LARP1B: variants seen among roughly 807,000 people sequenced by gnomAD.
LARP1B encodes La ribonucleoprotein 1B, also known as la-related protein 1B.
In LARP1B, 76 loss-of-function variants were observed where a neutral mutation model predicts 114.2. The ratio of observed to expected loss-of-function variants is 0.67; its 90% CI spans 0.55 to 0.81. LARP1B has a LOEUF of 0.81. Among genes scored for constraint, LARP1B ranks in the 30% least tolerant of loss-of-function variants. The probability of loss-of-function intolerance (pLI) is 0.00; values close to 1 mark genes in which losing one functional copy is unlikely to be tolerated. For missense variants in LARP1B, 1,014 were observed against 1,075.8 expected (o/e 0.94, Z 0.80); for synonymous variants, 345 against 348.0 (o/e 0.99, Z 0.10).
At position 128,211,121 on chromosome 4, in the gene LARP1B, G is replaced by A. The variant is rs2150972549; in HGVS notation, c.*1068G>A. 1.1e-6 allele frequency: 1 copy of A among 898,552 alleles called. No homozygotes were observed. The highest frequency in any genetic ancestry group is 1.3e-6 in the Non-Finnish European group (1 of 751,242). 55.7% of individuals were successfully genotyped at this position (898,552 alleles called of 1,614,324 possible). A position where few individuals can be genotyped will look rare whatever the true frequency, so the allele number is the denominator to read the frequency against. ...TTTTTGTGAGATTTAAAAAAATAAA[G>A]CACTTATTCTGAATTTTTTGAATTG... On this transcript the variant is annotated 3_prime_UTR_variant, in exon 20 of 20. Coordinates refer to ENST00000326639, the MANE Select transcript of LARP1B (RefSeq NM_018078.4).
At chr4:128,157,790 T>C (rs76925237) in intron 11 of LARP1B, among the ~76,000 whole-genome samples, 2,677 of 152,192 alleles carry the variant, frequency 0.018, 63 homozygotes, top group East Asian at 0.1. Flanking sequence ...TAAACCTGTA[T>C]AAAAATGAAG....
chr4:128,166,400 TA>T (rs1267788339), intron 12 of LARP1B, among the ~76,000 whole-genome samples: 1 of 151,982 alleles, frequency 6.6e-6, no homozygotes, highest in Non-Finnish European at 1.5e-5. Context: ...AATGAACTCC[TA>T]GCCTGTCTCC....
At chr4:128,085,944 G>T (rs1170840655) in intron 5 of LARP1B, among the ~76,000 whole-genome samples, 1 of 149,932 alleles carries the variant, frequency 6.7e-6, no homozygotes, top group East Asian at 2.0e-4. Flanking sequence ...TTTGCTATGT[G>T]TTAAGTCCCA....
intron 8 of LARP1B, among the ~76,000 whole-genome samples, chr4:128,102,421 C>G (rs1411070648): frequency 6.6e-6 from 1 of 152,180 alleles, no homozygotes; most frequent in Non-Finnish European, 1.5e-5. Flanking sequence ...TATTGTTAGT[C>G]TTAAACGATG....
rs1293676616 is a variant in LARP1B at position 128,210,303 on chromosome 4, T to A, written c.*250T>A. 9 of 1,276,978 alleles carry A rather than the reference T, an allele frequency of 7.0e-6. No homozygotes were observed. Among genetic ancestry groups the A allele is most frequent in the Non-Finnish European group, 8.9e-6 (9 of 1,008,966 alleles). The allele number at this position is 1,276,978 out of a possible 1,614,324, so 79.1% of individuals were successfully genotyped here. ...CAAGGATAGTCTTGGTGACCTTTTA[T>A]AGAGATCTTCTAGTAATGTATTTTG... is the stretch of plus-strand genomic sequence containing the variant. On this transcript the variant is annotated 3_prime_UTR_variant, in exon 20 of 20. Transcript: ENST00000326639.
At chr4:128,083,280 A>G (rs1771382489) in intron 5 of LARP1B, among the ~76,000 whole-genome samples, 1 of 151,928 alleles carries the variant, frequency 6.6e-6, no homozygotes, top group Admixed American at 6.6e-5. Context: ...CCCCCTTTCT[A>G]TTCCACAAAA....
intron 13 of LARP1B, 89 bp downstream of exon 13, chr4:128,176,996 A>T: frequency 8.8e-7 from 1 of 1,131,248 alleles, no homozygotes; most frequent in South Asian, 1.2e-5. Context: ...TTCAGACAGA[A>T]GAAAAAGCAT....
intron 11 of LARP1B, among the ~76,000 whole-genome samples, chr4:128,143,796 G>GGTGTGTGTGTGTGTGTGTGT (rs72408437): frequency 0.38 from 56,035 of 147,522 alleles, 11,155 homozygotes; most frequent in Middle Eastern, 0.48. Context: ...TAAGGCACAG[G>GGTGTGTGTGTGTGTGTGTGT]GTGTGTGTGT....
At chr4:128,172,640 C>A (rs997876203) in intron 12 of LARP1B, among the ~76,000 whole-genome samples, 6 of 151,726 alleles carry the variant, frequency 4.0e-5, no homozygotes, top group Non-Finnish European at 7.4e-5. Flanking sequence ...TTGCGGTGAG[C>A]CAAGATCAAA....
At chr4:128,205,557 C>T (rs1315876730) in intron 17 of LARP1B, among the ~76,000 whole-genome samples, 1 of 152,160 alleles carries the variant, frequency 6.6e-6, no homozygotes, top group Non-Finnish European at 1.5e-5. Flanking sequence ...GTGATTATAG[C>T]TCTATTAGCA....
chr4:128,191,430 G>A (rs992005253), intron 15 of LARP1B, among the ~76,000 whole-genome samples: 8 of 152,106 alleles, frequency 5.3e-5, no homozygotes, highest in East Asian at 1.9e-4. Context: ...TTGCAGTAGC[G>A]TGTGAGTTCC....
At chr4:128,149,551 T>C (rs1448701707) in intron 11 of LARP1B, among the ~76,000 whole-genome samples, 2 of 152,162 alleles carry the variant, frequency 1.3e-5, no homozygotes, top group Admixed American at 1.3e-4. Context: ...GGGAAGCGAT[T>C]TTAAAGAATC....
intron 1 of LARP1B, among the ~76,000 whole-genome samples, chr4:128,071,207 C>T (rs894560827): frequency 2.6e-5 from 4 of 151,736 alleles, no homozygotes; most frequent in South Asian, 2.1e-4. Flanking sequence ...CCACCACACC[C>T]AGCTAATTTT....
At chr4:128,142,988 A>G (rs138780673) in intron 11 of LARP1B, among the ~76,000 whole-genome samples, 33 of 151,988 alleles carry the variant, frequency 2.2e-4, no homozygotes, top group African/African-American at 8.0e-4. Flanking sequence ...AAGTGAATCA[A>G]GAGACCTGAT....
At chr4:128,074,621 T>C (rs979183994) in intron 2 of LARP1B, 103 bp downstream of exon 2, 1 of 249,860 alleles carries the variant, frequency 4.0e-6, no homozygotes, top group Non-Finnish European at 7.0e-6. Context: ...AATTGTATTA[T>C]TGGTATTAGA....
At chr4:128,121,423 G>A (rs1011610420) in intron 10 of LARP1B, among the ~76,000 whole-genome samples, 1 of 151,336 alleles carries the variant, frequency 6.6e-6, no homozygotes, top group Non-Finnish European at 1.5e-5. Flanking sequence ...AGGTTCAAAC[G>A]ATTCTCCTGC....
chr4:128,172,761 A>G (rs969026848), intron 12 of LARP1B, among the ~76,000 whole-genome samples: 4 of 151,886 alleles, frequency 2.6e-5, no homozygotes, highest in African/African-American at 9.7e-5. Flanking sequence ...CAAGACTCCA[A>G]TTACATTTAA....
At chr4:128,155,480 C>T in intron 11 of LARP1B, 1 of 780,582 alleles carries the variant, frequency 1.3e-6, no homozygotes, top group Non-Finnish European at 2.3e-6. Context: ...GTGCAGGCAG[C>T]CCAGCAGAAG....
At chr4:128,063,027 C>T (rs1560999070) in intron 1 of LARP1B, among the ~76,000 whole-genome samples, 1 of 152,178 alleles carries the variant, frequency 6.6e-6, no homozygotes, top group African/African-American at 2.4e-5. Context: ...ACATTGTCAG[C>T]TCTCCTTCCC....
Sources: allele counts gnomAD v4.1 joint callset (sites outside exome capture counted in the v4.1 genomes callset), GRCh38; gene constraint gnomAD v4.1.1; transcripts MANE v1.5; gene names NCBI Gene and HGNC (gene_info 2026-07-23, HGNC 2026-07-21).